COX18: variants seen among roughly 807,000 people sequenced by gnomAD.
COX18 encodes the protein cytochrome c oxidase assembly protein COX18, mitochondrial.
In COX18, 45 loss-of-function variants were observed where a neutral mutation model predicts 38.0. The observed-to-expected ratio is 1.18, with a 90% CI of 0.93 to 1.52. COX18 has a LOEUF of 1.52. COX18 is among the 40% of genes most tolerant of loss of function. The probability of loss-of-function intolerance (pLI) is 0.00; values close to 1 mark genes in which losing one functional copy is unlikely to be tolerated. For missense variants in COX18, 462 were observed against 423.8 expected, an observed-to-expected ratio of 1.09 and a Z score of -0.79; for synonymous variants, 177 against 169.8, an observed-to-expected ratio of 1.04 and a Z score of -0.33.
At position 73,054,656 on chromosome 4, in the gene COX18, A is replaced by G. The variant is rs1311883772; in HGVS notation, c.*3458T>C. ...ACAATATACATTTGTAAAGATACAA[A>G]TATACATTTTGAAATCAAGGGGACT... On this transcript the variant is annotated 3_prime_UTR_variant, in exon 6 of 6. Coordinates refer to ENST00000507544, the MANE Select transcript of COX18 (RefSeq NM_001297732.2). 1 of 152,268 alleles carries G rather than the reference A, an allele frequency of 6.6e-6. No individual in the cohort carries two copies. The highest frequency in any genetic ancestry group is 1.9e-4 in the East Asian group (1 of 5,204). 9.4% of individuals were successfully genotyped at this position (152,268 alleles called of 1,614,324 possible). A position where few individuals can be genotyped will look rare whatever the true frequency, so the allele number is the denominator to read the frequency against.
upstream of COX18, chr4:73,069,732 C>G (rs1720687915): frequency 7.5e-7 from 1 of 1,341,668 alleles, no homozygotes; most frequent in Non-Finnish European, 1.0e-6. Flanking sequence ...TACGCGCACG[C>G]GCCAGCAACA....
chr4:73,067,344 C>T lies in COX18; in HGVS notation c.434+685G>A, dbSNP rs112873317. ...TTCATCCTGTGAACCCTGCCCTGAC[C>T]TTCCTTGATGATCTAGCTCCTTGTA... On this transcript the variant is annotated intron_variant, in intron 2 of 5. Coordinates refer to ENST00000507544, the MANE Select transcript of COX18 (RefSeq NM_001297732.2). Among the ~76,000 whole-genome samples, 1,121 of 152,286 alleles carry T rather than the reference C, an allele frequency of 7.4e-3. 15 individuals are homozygous for T. The highest frequency in any genetic ancestry group is 0.021 in the African/African-American group (874 of 41,568).
Position 73,056,724 on chromosome 4 carries a change from C to G in COX18, c.*1390G>C, listed in dbSNP as rs1273835855. On this transcript the variant is annotated 3_prime_UTR_variant, in exon 6 of 6. Coordinates refer to ENST00000507544, the MANE Select transcript of COX18 (RefSeq NM_001297732.2). ...ATCTTCCTGGTAACAAGGAAGTCCC[C>G]GTATTGTGAGTCTTAAGATTTTTCT... 1 of 151,998 alleles carries G rather than the reference C, an allele frequency of 6.6e-6. No individual in the cohort carries two copies. Among genetic ancestry groups the G allele is most frequent in the Admixed American group, 6.6e-5 (1 of 15,252 alleles). 9.4% of individuals were successfully genotyped at this position (151,998 alleles called of 1,614,324 possible).
intron 1 of COX18, among the ~76,000 whole-genome samples, chr4:73,068,910 A>C (rs1162697134): frequency 6.6e-6 from 1 of 152,212 alleles, no homozygotes; most frequent in Non-Finnish European, 1.5e-5. Flanking sequence ...CCTAATAAGA[A>C]AGACCAGCTG....
intron 5 of COX18, among the ~76,000 whole-genome samples, chr4:73,061,176 C>T (rs1035978487): frequency 1.3e-5 from 2 of 152,150 alleles, no homozygotes; most frequent in Non-Finnish European, 2.9e-5. Context: ...CATACACAAA[C>T]CCAAATGGTC....
chr4:73,062,035 T>A (rs1484061732), intron 4 of COX18, 115 bp from the exon 5 acceptor site: 2 of 613,000 alleles, frequency 3.3e-6, no homozygotes, highest in Non-Finnish European at 5.8e-6. Context: ...TTAATAAAAG[T>A]TATATATATA....
In COX18 at chr4:73,069,572, C is replaced by G; in HGVS notation, c.78G>C (p.Ala26=). Residue 26 remains alanine, a synonymous_variant, in exon 1 of 6, where the codon GCG becomes GCC. Transcript: ENST00000507544. ...GCTTGGCGCCGCTCGTAGGAACCGGCGCAAGCGGCAGGTCCCTAGCCCAAA... is the reference window on the plus strand; with the variant it reads ...GCTTGGCGCCGCTCGTAGGAACCGGGGCAAGCGGCAGGTCCCTAGCCCAAA... ...LQLWARDLPL[A]PVPTSGAKRP... The G allele has an allele frequency of 6.4e-7, 1 of 1,564,428 alleles. No homozygotes were observed.
rs1435521085 is a variant in COX18, at chr4:73,053,297, G to A, written c.*4817C>T. On this transcript the variant is annotated 3_prime_UTR_variant, in exon 6 of 6. Transcript: ENST00000507544. ...GGTCACAATAAACGAACAGAATGTAGAGGAGGAGTCAGCCCATAAAAGGGA... is the reference window on the plus strand; with the variant it reads ...GGTCACAATAAACGAACAGAATGTAAAGGAGGAGTCAGCCCATAAAAGGGA... 2 of 152,206 alleles carry A rather than the reference G, an allele frequency of 1.3e-5. No individual in the cohort carries two copies. Among genetic ancestry groups the A allele is most frequent in the African/African-American group, 4.8e-5 (2 of 41,424 alleles). 9.4% of individuals were successfully genotyped at this position (152,206 alleles called of 1,614,324 possible). A position where few individuals can be genotyped will look rare whatever the true frequency, so the allele number is the denominator to read the frequency against.
intron 5 of COX18, among the ~76,000 whole-genome samples, chr4:73,060,708 C>A (rs1385886828): frequency 6.6e-6 from 1 of 151,896 alleles, no homozygotes; most frequent in Non-Finnish European, 1.5e-5. Flanking sequence ...GACGAAACCC[C>A]ACCTCTACTA....
Position 73,068,096 on chromosome 4 carries a change from C to A in COX18, c.367G>T (p.Ala123Ser), listed in dbSNP as rs1368461842. Residue 123 changes from alanine (A) to serine (S), a missense_variant, in exon 2 of 6, where the codon GCC (alanine) becomes TCC (serine). By Grantham distance (99) the Ala-to-Ser change is moderately conservative. Coordinates refer to ENST00000507544, the MANE Select transcript of COX18 (RefSeq NM_001297732.2). ...ENLQPEIKTI[A>S]RHLNQEVAVR... is the part of the protein sequence containing the mutation. ...GCAACTTCTTGGTTAAGATGCCTGG[C>A]AATAGTTTTTATTTCTGGCTGCAAA... 2 of 1,608,588 alleles carry A rather than the reference C, an allele frequency of 1.2e-6. No individual in the cohort carries two copies. Among genetic ancestry groups the A allele is most frequent in the African/African-American group, 1.3e-5 (1 of 74,356 alleles).
rs958339878 is a variant in COX18 at position 73,053,037 on chromosome 4, G to A, written c.*5077C>T. ...GGTGCAAAATATAAGCAGATTATGC[G>A]TCCAATAAAAAAAAAATAGGAACAA... is the stretch of plus-strand genomic sequence containing the variant. On this transcript the variant is annotated 3_prime_UTR_variant, in exon 6 of 6. Transcript: ENST00000507544. 11 of 121,562 alleles carry A rather than the reference G, an allele frequency of 9.0e-5. No homozygotes were observed. Among genetic ancestry groups the A allele is most frequent in the Middle Eastern group, 3.9e-3 (1 of 258 alleles). The allele number at this position is 121,562 out of a possible 1,614,324, so 7.5% of individuals were successfully genotyped here.
At chr4:73,058,464 AC>A (rs1720001604) in intron 5 of COX18, among the ~76,000 whole-genome samples, 177 bp from the exon 6 acceptor site, 1 of 152,230 alleles carries the variant, frequency 6.6e-6, no homozygotes, top group South Asian at 2.1e-4. Context: ...AAGGTTACAG[AC>A]AGACCAAAAA....
chr4:73,061,957 T>C, intron 4 of COX18, 37 bp from the exon 5 acceptor site: 1 of 1,038,618 alleles, frequency 9.6e-7, no homozygotes, highest in Non-Finnish European at 1.5e-6. Context: ...TAATGATTAT[T>C]AAAACGCATA....
Position 73,052,642 on chromosome 4 carries a change from A to G in COX18, c.*5472T>C, listed in dbSNP as rs1719773557. The G allele has an allele frequency of 6.6e-6, 1 of 152,188 alleles. No homozygotes were observed. The highest frequency in any genetic ancestry group is 1.5e-5 in the Non-Finnish European group (1 of 68,040). 9.4% of individuals were successfully genotyped at this position (152,188 alleles called of 1,614,324 possible). On this transcript the variant is annotated 3_prime_UTR_variant, in exon 6 of 6. Coordinates refer to ENST00000507544, the MANE Select transcript of COX18 (RefSeq NM_001297732.2). ...AAATGGAAAATCTATAAATTCATAT[A>G]ATTTCCAATTATCTGGGTTCTGCTT...
chr4:73,067,972 G>A (rs567465432), intron 2 of COX18, 57 bp downstream of exon 2: 3 of 941,564 alleles, frequency 3.2e-6, no homozygotes, highest in Non-Finnish European at 5.2e-6. Flanking sequence ...GTGTGTGTGT[G>A]TGTGTGTGTG....
Position 73,054,826 on chromosome 4 carries a change from T to G in COX18, c.*3288A>C, listed in dbSNP as rs772158686. ...TCTCACTATGTTGCCCAGGCTGATCTGGAACTCCTGGCCACAAGGATCTGC... is the reference window on the plus strand; with the variant it reads ...TCTCACTATGTTGCCCAGGCTGATCGGGAACTCCTGGCCACAAGGATCTGC... On this transcript the variant is annotated 3_prime_UTR_variant, in exon 6 of 6. Coordinates refer to ENST00000507544, the MANE Select transcript of COX18 (RefSeq NM_001297732.2). The G allele has an allele frequency of 6.6e-6, 1 of 152,294 alleles. No homozygotes were observed. The highest frequency in any genetic ancestry group is 2.1e-4 in the South Asian group (1 of 4,820). 9.4% of individuals were successfully genotyped at this position (152,294 alleles called of 1,614,324 possible).
chr4:73,068,954 C>T (rs1408964595), intron 1 of COX18, among the ~76,000 whole-genome samples: 1 of 152,208 alleles, frequency 6.6e-6, no homozygotes, highest in Non-Finnish European at 1.5e-5. Context: ...TGCAGACATA[C>T]TGGCTATTAA....
intron 2 of COX18, among the ~76,000 whole-genome samples, 165 bp downstream of exon 2, chr4:73,067,864 A>AAAATAT: frequency 5.0e-5 from 1 of 20,010 alleles, no homozygotes; most frequent in African/African-American, 9.1e-5. Flanking sequence ...AAAAAAAAAA[A>AAAATAT]ATATATATAT....
intron 5 of COX18, among the ~76,000 whole-genome samples, 158 bp from the exon 6 acceptor site, chr4:73,058,445 C>T (rs1002585607): frequency 2.6e-5 from 4 of 151,438 alleles, no homozygotes; most frequent in African/African-American, 9.7e-5. Context: ...ATTTAATAGA[C>T]AGGGAAAAAA....
Sources: allele counts gnomAD v4.1 joint callset (sites outside exome capture counted in the v4.1 genomes callset), GRCh38; gene constraint gnomAD v4.1.1; transcripts MANE v1.5; gene names NCBI Gene and HGNC (gene_info 2026-07-23, HGNC 2026-07-21).